Variants in FOXN1 observed in about 807,000 individuals in gnomAD.
FOXN1 encodes the protein forkhead box N1.
In FOXN1, 15 loss-of-function variants were observed where a neutral mutation model predicts 49.0. The ratio of observed to expected loss-of-function variants is 0.31; its 90% CI spans 0.20 to 0.47. The LOEUF is 0.47. Among genes scored for constraint, FOXN1 ranks in the 20% least tolerant of loss-of-function variants. The pLI is 1.00. For missense variants in FOXN1, 800 were observed against 842.8 expected, an observed-to-expected ratio of 0.95 and a Z score of 0.63; for synonymous variants, 356 against 369.0, an observed-to-expected ratio of 0.96 and a Z score of 0.40.
chr17:28,532,401 T>C (rs1189730914), intron 6 of FOXN1, among the ~76,000 whole-genome samples: 1 of 152,206 alleles, frequency 6.6e-6, no homozygotes, highest in Non-Finnish European at 1.5e-5. Flanking sequence ...GCAGGCCCTA[T>C]GGGGTGACCT....
rs191852605 is a variant in FOXN1, at chr17:28,525,815, C to T, written c.588+848C>T. ...AGATGGAGAAGGCGGTTGGGTCCTA[C>T]CAGGTGTGGCCAAAACAGGACTTTA... On this transcript the variant is annotated intron_variant, in intron 3 of 8. Transcript: ENST00000579795. Among the ~76,000 whole-genome samples, 176 of 152,226 alleles carry T rather than the reference C, an allele frequency of 1.2e-3. 1 individual carries two copies. Among genetic ancestry groups the T allele is most frequent in the African/African-American group, 4.1e-3 (172 of 41,518 alleles).
chr17:28,528,593 C>A (rs921532520), intron 4 of FOXN1, among the ~76,000 whole-genome samples: 1 of 152,114 alleles, frequency 6.6e-6, no homozygotes, highest in East Asian at 1.9e-4. Flanking sequence ...TCCGTGGCAC[C>A]GCAGCCACTC....
intron 4 of FOXN1, among the ~76,000 whole-genome samples, chr17:28,527,689 G>T (rs1240438680): frequency 2.6e-5 from 4 of 152,172 alleles, no homozygotes; most frequent in Non-Finnish European, 4.4e-5. Context: ...ACAGAGAGAG[G>T]GGCAAAGAGG....
chr17:28,532,886 C>G (rs1489380089), intron 6 of FOXN1, among the ~76,000 whole-genome samples: 1 of 152,246 alleles, frequency 6.6e-6, no homozygotes, highest in African/African-American at 2.4e-5. Context: ...AAGGCCCCAG[C>G]GCCCATTAAC....
chr17:28,527,472 A>G, intron 4 of FOXN1, 111 bp downstream of exon 4: 6 of 730,686 alleles, frequency 8.2e-6, no homozygotes, highest in Non-Finnish European at 1.5e-5. Flanking sequence ...ATAGGCAGAT[A>G]AGGACAGCAG....
At chr17:28,526,543 G>A (rs1344987199) in intron 3 of FOXN1, among the ~76,000 whole-genome samples, 3 of 152,296 alleles carry the variant, frequency 2.0e-5, no homozygotes, top group East Asian at 1.9e-4. Context: ...ATGGGAAGGC[G>A]GAGTCTGGCC....
intron 8 of FOXN1, among the ~76,000 whole-genome samples, chr17:28,535,488 G>A (rs1003994157): frequency 5.3e-5 from 8 of 152,304 alleles, no homozygotes; most frequent in Non-Finnish European, 8.8e-5. Context: ...AGTGGCTCAC[G>A]CCTGTAATCC....
chr17:28,520,896 G>T (rs2151483426), intron 1 of FOXN1, among the ~76,000 whole-genome samples: 1 of 152,224 alleles, frequency 6.6e-6, no homozygotes, highest in African/African-American at 2.4e-5. Flanking sequence ...AGGCAAGGAG[G>T]GCTAGCAAGG....
rs2069887980 is a variant in FOXN1, at chr17:28,530,625, A to C, written c.831-124A>C. Reference sequence around the variant, plus strand: ...GACTTCCGTGCTCACTTCAATGGACACCTTCTCATTCCCTTCTCTTTCACC... The same window carrying C: ...GACTTCCGTGCTCACTTCAATGGACCCCTTCTCATTCCCTTCTCTTTCACC... On this transcript the variant is annotated intron_variant, in intron 5 of 8. Coordinates refer to ENST00000579795, the MANE Select transcript of FOXN1 (RefSeq NM_001369369.1). 5 of 715,966 alleles carry C rather than the reference A, an allele frequency of 7.0e-6. No individual in the cohort carries two copies. The East Asian group carries it at 1.3e-4, about 18-fold the overall frequency. The allele number at this position is 715,966 out of a possible 1,614,324, so 44.4% of individuals were successfully genotyped here.
At chr17:28,520,291 C>T (rs1371423276) in intron 1 of FOXN1, among the ~76,000 whole-genome samples, 1 of 152,182 alleles carries the variant, frequency 6.6e-6, no homozygotes, top group Non-Finnish European at 1.5e-5. Flanking sequence ...GGACAGGAGC[C>T]CCTCATAAAC....
rs567820320 is a variant in FOXN1 at position 28,513,651 on chromosome 17, C to T, written c.-15+7208C>T. Among the ~76,000 whole-genome samples, 10 of 152,356 alleles carry T rather than the reference C, an allele frequency of 6.6e-5. No homozygotes were observed. The East Asian group carries it at 1.7e-3, about 26-fold the overall frequency. ...CCTGCCTGGCCTGGGGAGACAGCCC[C>T]GCCTCAGCCCTCGGGCAGGGGGCCG... On this transcript the variant is annotated intron_variant, in intron 1 of 8. Transcript: ENST00000579795.
chr17:28,512,813 A>G (rs2069420188), intron 1 of FOXN1, among the ~76,000 whole-genome samples: 1 of 152,142 alleles, frequency 6.6e-6, no homozygotes, highest in Non-Finnish European at 1.5e-5. Context: ...AGGGTGGAGG[A>G]GGCAGACCAT....
chr17:28,534,614 G>T lies in FOXN1; in HGVS notation c.1135+76G>T. On this transcript the variant is annotated intron_variant, in intron 7 of 8. Coordinates refer to ENST00000579795, the MANE Select transcript of FOXN1 (RefSeq NM_001369369.1). This position sits in a 1 kb window ranked among gnomAD's most constrained non-coding sequence, Gnocchi z 4.1. The stretch of plus-strand genomic sequence containing the variant: ...AAAAAAAAAAAAAGAGAGAATCAGA[G>T]AATGAGGCAAGGCCCCGAGTAAGGG... 33 of 1,594,366 alleles carry T rather than the reference G, an allele frequency of 2.1e-5. No individual in the cohort carries two copies. The highest frequency in any genetic ancestry group is 2.8e-5 in the Non-Finnish European group (33 of 1,171,010).
At chr17:28,518,876 TA>T (rs992493335) in intron 1 of FOXN1, among the ~76,000 whole-genome samples, 1 of 152,094 alleles carries the variant, frequency 6.6e-6, no homozygotes, top group Admixed American at 6.5e-5. Context: ...TTTTCTCCCC[TA>T]AAAAAATGGG....
intron 8 of FOXN1, among the ~76,000 whole-genome samples, chr17:28,536,189 G>GGGGAGACAACCCAGGTTTAGGATC (rs1490813390): frequency 6.6e-6 from 1 of 152,206 alleles, no homozygotes; most frequent in East Asian, 1.9e-4. Flanking sequence ...CCAACCCGAT[G>GGGGAGACAACCCAGGTTTAGGATC]GGGAGACAAC....
intron 8 of FOXN1, 117 bp from the exon 9 acceptor site, chr17:28,537,000 G>T: frequency 1.2e-6 from 1 of 832,968 alleles, no homozygotes; most frequent in South Asian, 1.4e-5. Flanking sequence ...TCTGTTCCCA[G>T]CACATGTCAC....
chr17:28,537,819 C>G lies in FOXN1; in HGVS notation c.*383C>G. ...AACCAGCACTCCATCACTGAGAGCC[C>G]GACTTCGTTTCTGGGGCAACTGAGA... On this transcript the variant is annotated 3_prime_UTR_variant, in exon 9 of 9. Coordinates refer to ENST00000579795, the MANE Select transcript of FOXN1 (RefSeq NM_001369369.1). The G allele has an allele frequency of 3.0e-6, 1 of 334,654 alleles. No individual in the cohort carries two copies. The highest frequency in any genetic ancestry group is 5.8e-6 in the Non-Finnish European group (1 of 173,828). The allele number at this position is 334,654 out of a possible 1,614,324, so 20.7% of individuals were successfully genotyped here. A position where few individuals can be genotyped will look rare whatever the true frequency, so the allele number is the denominator to read the frequency against.
chr17:28,517,378 C>A (rs892777690), intron 1 of FOXN1, among the ~76,000 whole-genome samples: 3 of 149,636 alleles, frequency 2.0e-5, no homozygotes, highest in South Asian at 2.1e-4. Flanking sequence ...GGGCAGACAC[C>A]TCCACAGGAT....
chr17:28,530,308 T>G (rs1001823721), intron 5 of FOXN1, among the ~76,000 whole-genome samples: 1 of 152,216 alleles, frequency 6.6e-6, no homozygotes, highest in South Asian at 2.1e-4. Context: ...GTACATTGCA[T>G]AGGCTCAAGA....
Sources: gnomAD v4.1 joint callset for allele counts (sites outside exome capture counted in the v4.1 genomes callset) on GRCh38, gnomAD v4.1.1 for gene constraint, Gnocchi (gnomAD v3.1) non-coding constraint, MANE v1.5 for transcripts, NCBI Gene and HGNC (gene_info 2026-07-23, HGNC 2026-07-21) for gene names.